ENTPD7: variants seen among roughly 807,000 people sequenced by gnomAD.
ENTPD7 encodes NTPDase 7.
A neutral mutation model predicts 77.9 loss-of-function variants in ENTPD7; 53 were observed. The ratio of observed to expected loss-of-function variants is 0.68; its 90% CI spans 0.55 to 0.85. The LOEUF (loss-of-function observed/expected upper bound fraction) is 0.85. Ranked by LOEUF, ENTPD7 falls within the 40% of genes least tolerant of loss-of-function variation. ENTPD7 has a pLI of 0.00. For missense variants in ENTPD7, 636 were observed against 743.7 expected, an observed-to-expected ratio of 0.86 and a Z score of 1.68; for synonymous variants, 248 against 274.9, an observed-to-expected ratio of 0.90 and a Z score of 0.97.
At chr10:99,700,444 GTT>G (rs869260529) in intron 10 of ENTPD7, among the ~76,000 whole-genome samples, 2 of 145,134 alleles carry the variant, frequency 1.4e-5, no homozygotes, top group African/African-American at 5.3e-5. Flanking sequence ...GTGTGTGTGT[GTT>G]TATTGTCTGT....
In ENTPD7 at chr10:99,702,603, C is replaced by T. The variant is rs759476991; in HGVS notation, c.1513C>T (p.Leu505=). Residue 505 remains leucine, a synonymous_variant, in exon 12 of 13, where the codon CTG becomes TTG. Transcript: ENST00000370489. Reference sequence around the variant, plus strand: ...CTACCCAAACCTGCGGACAGCCCAGCTGGTGTATGACCGAGAGGTTCAGTG... The same window carrying T: ...CTACCCAAACCTGCGGACAGCCCAGTTGGTGTATGACCGAGAGGTTCAGTG... ...YDYPNLRTAQ[L]VYDREVQWTL... is the part of the protein sequence containing the mutation. The T allele has an allele frequency of 1.9e-6, 3 of 1,613,832 alleles. No homozygotes were observed. Among genetic ancestry groups the T allele is most frequent in the South Asian group, 2.2e-5 (2 of 90,974 alleles).
intron 3 of ENTPD7, among the ~76,000 whole-genome samples, chr10:99,670,977 C>T (rs934836218): frequency 7.2e-5 from 11 of 152,062 alleles, no homozygotes; most frequent in South Asian, 6.2e-4. Flanking sequence ...GTAATTGCTC[C>T]GCTGCACTCC....
chr10:99,686,186 A>G (rs2035808957), intron 6 of ENTPD7, among the ~76,000 whole-genome samples: 1 of 152,176 alleles, frequency 6.6e-6, no homozygotes, highest in Non-Finnish European at 1.5e-5. Flanking sequence ...TTGGTTAGCT[A>G]ACTGTACTTT....
intron 3 of ENTPD7, among the ~76,000 whole-genome samples, chr10:99,663,042 T>A (rs1307399330): frequency 6.6e-6 from 1 of 152,224 alleles, no homozygotes; most frequent in Non-Finnish European, 1.5e-5. Flanking sequence ...ATATTTACCA[T>A]TTCTGGTCTG....
In ENTPD7 at chr10:99,668,383, A is replaced by T. The variant is rs376481244; in HGVS notation, c.191+6755A>T. Among the ~76,000 whole-genome samples the T allele has an allele frequency of 2.8e-4, 43 of 152,308 alleles. No homozygotes were observed. The South Asian group carries it at 8.7e-3, about 31-fold the overall frequency. ...AGAAAAACTGCTTTAAGATTTGGTTACATTTACTTAAGGAGGTATTGTGAG... is the reference window on the plus strand; with the variant it reads ...AGAAAAACTGCTTTAAGATTTGGTTTCATTTACTTAAGGAGGTATTGTGAG... On this transcript the variant is annotated intron_variant, in intron 3 of 12. Coordinates refer to ENST00000370489, the MANE Select transcript of ENTPD7 (RefSeq NM_020354.5).
intron 3 of ENTPD7, among the ~76,000 whole-genome samples, chr10:99,667,854 G>A (rs191155486): frequency 2.6e-4 from 39 of 151,266 alleles, no homozygotes; most frequent in African/African-American, 9.0e-4. Context: ...TTTCTATAGT[G>A]GTAAACAGTT....
chr10:99,691,637 A>G, intron 8 of ENTPD7, 119 bp downstream of exon 8: 2 of 1,131,182 alleles, frequency 1.8e-6, no homozygotes, highest in Non-Finnish European at 2.5e-6. Flanking sequence ...GATACTTGCT[A>G]GCTTGCGTTA....
chr10:99,695,874 G>A lies in ENTPD7; in HGVS notation c.844-82G>A, dbSNP rs1273912417. On this transcript the variant is annotated intron_variant, in intron 8 of 12. Transcript: ENST00000370489. Reference sequence around the variant, plus strand: ...TTTAAAGAGTAGTCATAGAAATGAAGCCTCGTGTATTAGCAATGTCATAGC... The same window carrying A: ...TTTAAAGAGTAGTCATAGAAATGAAACCTCGTGTATTAGCAATGTCATAGC... 5 of 1,307,280 alleles carry A rather than the reference G, an allele frequency of 3.8e-6. No individual in the cohort carries two copies. The Admixed American group carries it at 1.2e-4, about 31-fold the overall frequency. The allele number at this position is 1,307,280 out of a possible 1,614,324, so 81.0% of individuals were successfully genotyped here.
chr10:99,680,466 T>A (rs34872362), intron 5 of ENTPD7, among the ~76,000 whole-genome samples: 2 of 152,244 alleles, frequency 1.3e-5, no homozygotes, highest in African/African-American at 4.8e-5. Context: ...TCTCCTTTGG[T>A]ACCACCTTGA....
intron 7 of ENTPD7, 149 bp from the exon 8 acceptor site, chr10:99,691,236 C>A: frequency 1.3e-6 from 1 of 771,692 alleles, no homozygotes; most frequent in Non-Finnish European, 2.0e-6. Flanking sequence ...ACATAATCCT[C>A]CCACCTTGGC....
At chr10:99,669,938 A>G (rs1284964285) in intron 3 of ENTPD7, among the ~76,000 whole-genome samples, 1 of 151,524 alleles carries the variant, frequency 6.6e-6, no homozygotes, top group Non-Finnish European at 1.5e-5. Context: ...TTTAGTAGAG[A>G]CGGGGTTTCA....
intron 3 of ENTPD7, among the ~76,000 whole-genome samples, chr10:99,668,135 A>G (rs1276387460): frequency 6.6e-6 from 1 of 151,940 alleles, no homozygotes; most frequent in Non-Finnish European, 1.5e-5. Context: ...GGGTTTCACC[A>G]TGTTTGCCAA....
At chr10:99,696,693 G>GT (rs1444417264) in intron 9 of ENTPD7, among the ~76,000 whole-genome samples, 3 of 152,204 alleles carry the variant, frequency 2.0e-5, no homozygotes, top group Admixed American at 6.5e-5. Flanking sequence ...TGTACAAACA[G>GT]TGGTGGGATT....
In ENTPD7 at chr10:99,669,755, T is replaced by TTG. The variant is rs1319193182; in HGVS notation, c.191+8128_191+8129insGT. On this transcript the variant is annotated intron_variant, in intron 3 of 12. Transcript: ENST00000370489. ...TAGATGTGTGGTTTTTTTTTTTTTT[T>TTG]TTTTTTTTTTTTGAGACAGAGTCTT... 8.2e-4 allele frequency among the ~76,000 whole-genome samples: 108 copies of TTG among 131,118 alleles called. 1 individual carries two copies. Among genetic ancestry groups the TTG allele is most frequent in the Non-Finnish European group, 1.6e-3 (99 of 61,424 alleles). 86.0% of individuals were successfully genotyped at this position (131,118 alleles called of 152,430 possible).
intron 3 of ENTPD7, among the ~76,000 whole-genome samples, chr10:99,664,050 T>C (rs2035519269): frequency 1.3e-5 from 2 of 152,332 alleles, no homozygotes; most frequent in South Asian, 4.1e-4. Context: ...TTTAATCTAC[T>C]GTTCTATCCA....
rs1458774744 is a variant in ENTPD7 at position 99,705,620 on chromosome 10, TG to T, written c.*940del. 6.6e-6 allele frequency: 1 copy of T among 152,200 alleles called. No homozygotes were observed. The highest frequency in any genetic ancestry group is 2.4e-5 in the African/African-American group (1 of 41,452). The allele number at this position is 152,200 out of a possible 1,614,324, so 9.4% of individuals were successfully genotyped here. ...CAGTATGTAGTATGGGGAATGTATT[TG>T]GGTTGTTTTTAAAGAAAAGGGGAAC... On this transcript the variant is annotated 3_prime_UTR_variant, in exon 13 of 13. Transcript: ENST00000370489.
intron 3 of ENTPD7, among the ~76,000 whole-genome samples, chr10:99,662,264 CTTCTT>C (rs1170514120): frequency 1.3e-5 from 2 of 152,148 alleles, no homozygotes; most frequent in East Asian, 1.9e-4. Flanking sequence ...CTTTTTCCCT[CTTCTT>C]TTCAGTTGAG....
At chr10:99,703,524 G>C (rs1183908387) in intron 12 of ENTPD7, among the ~76,000 whole-genome samples, 2 of 152,128 alleles carry the variant, frequency 1.3e-5, no homozygotes, top group Admixed American at 1.3e-4. Flanking sequence ...TCGCATTCTA[G>C]AAGAACACTG....
rs2035804182 is a variant in ENTPD7, at chr10:99,685,822, G to C, written c.579G>C (p.Val193=). ...AGTTGGCTATCTTGGCTGACCTAGTGAAAGATTTACCACTGGAGTTTGACT... is the reference window on the plus strand; with the variant it reads ...AGTTGGCTATCTTGGCTGACCTAGTCAAAGATTTACCACTGGAGTTTGACT... ...RKQLAILADL[V]KDLPLEFDFL... is the part of the protein sequence containing the mutation. The change falls in exon 6 of 13, where the codon GTG becomes GTC. Residue 193 remains valine (V), a synonymous_variant. Transcript: ENST00000370489. 6.2e-7 allele frequency: 1 copy of C among 1,613,856 alleles called. No homozygotes were observed. Among genetic ancestry groups the C allele is most frequent in the African/African-American group, 1.3e-5 (1 of 74,966 alleles).
Sources: allele counts gnomAD v4.1 joint callset (sites outside exome capture counted in the v4.1 genomes callset), GRCh38; gene constraint gnomAD v4.1.1; transcripts MANE v1.5; gene names NCBI Gene and HGNC (gene_info 2026-07-23, HGNC 2026-07-21).